Variants in AMPD1 observed in about 807,000 individuals in gnomAD.
The protein encoded by AMPD1 is adenosine monophosphate deaminase 1, also known as AMP deaminase 1.
A neutral mutation model predicts 82.9 loss-of-function variants in AMPD1; 74 were observed. The observed-to-expected ratio is 0.89, with a 90% CI of 0.74 to 1.08. The LOEUF (loss-of-function observed/expected upper bound fraction) is 1.08, where lower values mean the gene tolerates loss of function less well. Ranked by LOEUF, AMPD1 falls within the 50% of genes least tolerant of loss-of-function variation. AMPD1 has a pLI of 0.00. For synonymous variants in AMPD1, 333 were observed against 320.5 expected (o/e 1.04, Z -0.42); for missense variants, 881 against 924.5 (o/e 0.95, Z 0.61).
intron 15 of AMPD1, 108 bp from the exon 16 acceptor site, chr1:114,673,380 A>G (rs1351392330): frequency 7.9e-7 from 1 of 1,267,484 alleles, no homozygotes; most frequent in African/African-American, 1.5e-5. Flanking sequence ...CACTGACAAA[A>G]GAATAATAAT....
intron 5 of AMPD1, 60 bp from the exon 6 acceptor site, chr1:114,680,538 T>A: frequency 6.9e-7 from 1 of 1,439,106 alleles, no homozygotes; most frequent in South Asian, 1.1e-5. Context: ...CACATAAAAA[T>A]AACCAAAATG....
intron 5 of AMPD1, among the ~76,000 whole-genome samples, chr1:114,682,730 C>A (rs980046632): frequency 6.6e-6 from 1 of 152,158 alleles, no homozygotes; most frequent in South Asian, 2.1e-4. Context: ...AGGCGCCCGC[C>A]ACCACGCCTG....
At chr1:114,683,978 A>G (rs1424000652) in intron 5 of AMPD1, among the ~76,000 whole-genome samples, 2 of 152,194 alleles carry the variant, frequency 1.3e-5, no homozygotes, top group Non-Finnish European at 2.9e-5. Flanking sequence ...GGAGAAGGAT[A>G]AGCCTGAATG....
intron 5 of AMPD1, among the ~76,000 whole-genome samples, chr1:114,682,780 G>T (rs537811455): frequency 2.6e-5 from 4 of 152,042 alleles, no homozygotes; most frequent in Admixed American, 6.6e-5. Context: ...GGGTTTCACC[G>T]TGTTAGCCAA....
intron 11 of AMPD1, 26 bp from the exon 12 acceptor site, chr1:114,675,719 TG>T (rs1657962002): frequency 1.2e-6 from 2 of 1,614,048 alleles, no homozygotes; most frequent in East Asian, 4.5e-5. Context: ...AGCCATGCAA[TG>T]GGTTCAGTCC....
rs61752480 is a variant in AMPD1 at position 114,688,677 on chromosome 1, T to C, written c.99A>G (p.Gly33=). The change falls in exon 3 of 16, where the codon GGA becomes GGG. Residue 33 remains glycine (G), a synonymous_variant. Coordinates refer to ENST00000520113, the MANE Select transcript of AMPD1 (RefSeq NM_000036.3). ...KVFASEVKDE[G]GRQEISPFDV... ...CAAAGGGGGAAATCTCCTGACGACC[T>C]CCTTCATCTTTGACTTCAGAGGCAA... 7,295 of 1,614,210 alleles carry C rather than the reference T, an allele frequency of 4.5e-3. 37 individuals carry two copies. Among genetic ancestry groups the C allele is most frequent in the Non-Finnish European group, 5.4e-3 (6,417 of 1,180,036 alleles).
intron 3 of AMPD1, among the ~76,000 whole-genome samples, chr1:114,687,160 AC>A (rs1018745560): frequency 5.3e-5 from 8 of 151,926 alleles, no homozygotes; most frequent in Non-Finnish European, 1.2e-4. Context: ...TCACCATGAC[AC>A]CCTTCTTCCC....
At chr1:114,690,351 T>C (rs182882863) in intron 2 of AMPD1, among the ~76,000 whole-genome samples, 1 of 152,316 alleles carries the variant, frequency 6.6e-6, no homozygotes, top group Non-Finnish European at 1.5e-5. Context: ...ATGTGTAGCA[T>C]TGGTCAAACA....
chr1:114,687,677 C>A (rs1166610002), intron 3 of AMPD1, among the ~76,000 whole-genome samples: 1 of 151,934 alleles, frequency 6.6e-6, no homozygotes, highest in Non-Finnish European at 1.5e-5. Flanking sequence ...TAGAGTGGTT[C>A]AAATAAAGGA....
Position 114,680,386 on chromosome 1 carries a change from C to T in AMPD1, c.640G>A (p.Val214Ile). 6.2e-7 allele frequency: 1 copy of T among 1,614,228 alleles called. No homozygotes were observed. The highest frequency in any genetic ancestry group is 8.5e-7 in the Non-Finnish European group (1 of 1,180,046). Residue 214 changes from valine to isoleucine, a missense_variant, in exon 6 of 16, where the codon GTA (valine) becomes ATA (isoleucine). Transcript: ENST00000520113. Reference sequence around the variant, plus strand: ...GCTTCATTAGGATAGACGTAAACTACACCGTCCTTCATTTTGAGGTGATAG... The same window carrying T: ...GCTTCATTAGGATAGACGTAAACTATACCGTCCTTCATTTTGAGGTGATAG... The part of the protein sequence containing the change: ...LGYHLKMKDG[V>I]VYVYPNEAAV...
chr1:114,673,600 C>T, intron 15 of AMPD1, 39 bp downstream of exon 15: 6 of 1,505,580 alleles, frequency 4.0e-6, no homozygotes, highest in Non-Finnish European at 5.5e-6. Context: ...GTTAGCAGAC[C>T]CTATACTCAG....
At chr1:114,689,637 C>T (rs1052096393) in intron 2 of AMPD1, among the ~76,000 whole-genome samples, 1 of 151,960 alleles carries the variant, frequency 6.6e-6, no homozygotes, top group African/African-American at 2.4e-5. Context: ...GCCAACATGG[C>T]GAAACCCTGT....
At chr1:114,685,856 A>G (rs1338629627) in intron 4 of AMPD1, among the ~76,000 whole-genome samples, 1 of 152,248 alleles carries the variant, frequency 6.6e-6, no homozygotes, top group Non-Finnish European at 1.5e-5. Flanking sequence ...ACAGAAAATG[A>G]ATAAACAAGA....
intron 2 of AMPD1, among the ~76,000 whole-genome samples, chr1:114,692,824 A>G (rs1015215859): frequency 1.3e-4 from 19 of 144,918 alleles, no homozygotes; most frequent in Middle Eastern, 8.0e-3. Flanking sequence ...TGGCTAATCT[A>G]TGTCATTTAT....
At chr1:114,684,442 AC>A in intron 4 of AMPD1, 78 bp from the exon 5 acceptor site, 1 of 1,466,972 alleles carries the variant, frequency 6.8e-7, no homozygotes, top group East Asian at 2.4e-5. Flanking sequence ...TATCCTTGGC[AC>A]CTCCCAGCTC....
At chr1:114,693,973 T>C (rs1216966914) in intron 1 of AMPD1, among the ~76,000 whole-genome samples, 1 of 152,064 alleles carries the variant, frequency 6.6e-6, no homozygotes, top group African/African-American at 2.4e-5. Flanking sequence ...AGGCCGAGGC[T>C]GGCAGATCAT....
Position 114,674,858 on chromosome 1 carries a change from T to C in AMPD1, c.1694A>G (p.Asn565Ser). Reference protein sequence around the residue: ...LNSLRKERGMNTFLFRPHCGE... With the variant: ...LNSLRKERGMSTFLFRPHCGE... The stretch of plus-strand genomic sequence containing the variant: ...ACAGTGAGGTCGGAACAGAAACGTA[T>C]TCATGCCTCGTTCCCTGGGGAAATA... The change falls in exon 13 of 16, where the codon AAT becomes AGT. Residue 565 changes from asparagine to serine, a missense_variant. Around this residue, in one of 2 missense-constraint regions of AMPD1, gnomAD observed 783 missense variants for 786.4 expected, o/e 1.00. Transcript: ENST00000520113. 1 of 1,614,098 alleles carries C rather than the reference T, an allele frequency of 6.2e-7. No individual in the cohort carries two copies. The highest frequency in any genetic ancestry group is 8.5e-7 in the Non-Finnish European group (1 of 1,179,992).
At chr1:114,678,623 G>A (rs1386253400) in intron 7 of AMPD1, 96 bp from the exon 8 acceptor site, 1 of 1,139,844 alleles carries the variant, frequency 8.8e-7, no homozygotes, top group African/African-American at 1.5e-5. Flanking sequence ...ACTGCGTTGG[G>A]ACAAAGTGAA....
intron 3 of AMPD1, among the ~76,000 whole-genome samples, chr1:114,688,085 G>T (rs1462782391): frequency 1.3e-5 from 2 of 151,944 alleles, no homozygotes; most frequent in Non-Finnish European, 2.9e-5. Context: ...TTCATCATTG[G>T]CCCCTCACTC....
Sources: allele counts gnomAD v4.1 joint callset (sites outside exome capture counted in the v4.1 genomes callset), GRCh38; gene constraint gnomAD v4.1.1; regional missense constraint gnomAD v4.1.1; transcripts MANE v1.5; gene names NCBI Gene and HGNC (gene_info 2026-07-23, HGNC 2026-07-21).